The following MYO16 variants were observed in gnomAD, a reference collection of about 807,000 sequenced individuals.
MYO16 encodes the protein unconventional myosin-XVI.
A neutral mutation model predicts 205.3 loss-of-function variants in MYO16; 94 were observed. The ratio of observed to expected loss-of-function variants is 0.46; its 90% CI spans 0.39 to 0.54. The LOEUF is 0.54. Among genes scored for constraint, MYO16 ranks in the 20% least tolerant of loss-of-function variants. The probability of loss-of-function intolerance (pLI) is 0.00; values close to 1 mark genes in which losing one functional copy is unlikely to be tolerated. For synonymous variants in MYO16, 988 were observed against 954.0 expected (o/e 1.04, Z -0.66); for missense variants, 2,315 against 2,387.5 (o/e 0.97, Z 0.63).
intron 6 of MYO16, among the ~76,000 whole-genome samples, chr13:108,796,547 G>C (rs1482690333): frequency 1.3e-5 from 2 of 152,174 alleles, no homozygotes; most frequent in African/African-American, 4.8e-5. Flanking sequence ...ACTGGATTAA[G>C]AAAATGTGGC....
chr13:109,178,260 G>C (rs190906812), intron 33 of MYO16, among the ~76,000 whole-genome samples: 24 of 152,164 alleles, frequency 1.6e-4, no homozygotes, highest in Admixed American at 5.9e-4. Flanking sequence ...GCTGCTGCCT[G>C]TGGCCGAGAT....
the MYO16 span, among the ~76,000 whole-genome samples, chr13:108,576,910 G>A: frequency 9.2e-5 from 14 of 152,150 alleles, no homozygotes; most frequent in Admixed American, 2.0e-4. Flanking sequence ...ACAGGCATAC[G>A]CCACCACATC....
rs1188111119 is a variant in MYO16, at chr13:109,127,776, C to T, written c.4051+226C>T. ...TACATGGCATTTCCTTAACTCCCATCCCCACCCTGCCTCCAAAGAGCAGTA... is the reference window on the plus strand; with the variant it reads ...TACATGGCATTTCCTTAACTCCCATTCCCACCCTGCCTCCAAAGAGCAGTA... On this transcript the variant is annotated intron_variant, in intron 31 of 34. Coordinates refer to ENST00000457511, the MANE Select transcript of MYO16 (RefSeq NM_001198950.3). This position sits in a 1 kb window ranked among gnomAD's most constrained non-coding sequence, Gnocchi z 4.2. Among the ~76,000 whole-genome samples the T allele has an allele frequency of 6.6e-6, 1 of 151,910 alleles. No individual in the cohort carries two copies. Among genetic ancestry groups the T allele is most frequent in the African/African-American group, 2.4e-5 (1 of 41,342 alleles).
intron 16 of MYO16, among the ~76,000 whole-genome samples, chr13:108,933,398 A>G (rs1350301896): frequency 6.6e-6 from 1 of 152,124 alleles, no homozygotes; most frequent in African/African-American, 2.4e-5. Flanking sequence ...AGAAATGAAG[A>G]AGCTCTTTGT....
At chr13:108,523,385 C>A in the MYO16 span, among the ~76,000 whole-genome samples, 4 of 152,218 alleles carry the variant, frequency 2.6e-5, no homozygotes, top group African/African-American at 9.6e-5. Flanking sequence ...TCGGGCCTTA[C>A]TTTCAGATGC....
intron 23 of MYO16, among the ~76,000 whole-genome samples, chr13:109,041,725 T>C (rs2139580902): frequency 6.6e-6 from 1 of 152,322 alleles, no homozygotes; most frequent in Non-Finnish European, 1.5e-5. Flanking sequence ...TCTGTATCAT[T>C]TCTTACAACT....
At chr13:108,734,197 T>C (rs1486046013) in intron 4 of MYO16, among the ~76,000 whole-genome samples, 1 of 133,264 alleles carries the variant, frequency 7.5e-6, no homozygotes, top group Non-Finnish European at 1.5e-5. Context: ...TAATATTGCT[T>C]TTTTTTTTTA....
chr13:108,577,323 G>T, the MYO16 span, among the ~76,000 whole-genome samples: 4 of 152,158 alleles, frequency 2.6e-5, no homozygotes, highest in Non-Finnish European at 4.4e-5. Flanking sequence ...GCCAAATCTG[G>T]CTATTAGAGA....
At chr13:108,708,350 C>T (rs1883593905) in intron 2 of MYO16, among the ~76,000 whole-genome samples, 1 of 152,162 alleles carries the variant, frequency 6.6e-6, no homozygotes, top group Non-Finnish European at 1.5e-5. Flanking sequence ...CTCAGGCATA[C>T]TTTTTTAGAA....
chr13:108,534,690 C>T, the MYO16 span, among the ~76,000 whole-genome samples: 36 of 151,944 alleles, frequency 2.4e-4, no homozygotes, highest in Admixed American at 2.1e-3. Context: ...CTGTAGCCAA[C>T]TAATCTCTAT....
intron 16 of MYO16, among the ~76,000 whole-genome samples, chr13:108,919,293 A>T (rs1881638685): frequency 6.6e-6 from 1 of 152,164 alleles, no homozygotes; most frequent in Non-Finnish European, 1.5e-5. Flanking sequence ...ACAGCATCTT[A>T]CCTTGGTGCC....
chr13:109,028,774 A>G lies in MYO16; in HGVS notation c.2796+8863A>G, dbSNP rs562735840. The stretch of plus-strand genomic sequence containing the variant: ...GATAAAATTGTAATCTCAGACACGT[A>G]GGCCCTGATCATTACTGTTCATGTC... On this transcript the variant is annotated intron_variant, in intron 23 of 34. Transcript: ENST00000457511. Among the ~76,000 whole-genome samples, 25 of 151,684 alleles carry G rather than the reference A, an allele frequency of 1.6e-4. No homozygotes were observed. In the South Asian group the frequency reaches 5.2e-3, roughly 32 times the overall value.
intron 12 of MYO16, among the ~76,000 whole-genome samples, chr13:108,879,032 T>C (rs1879468092): frequency 6.6e-6 from 1 of 152,220 alleles, no homozygotes; most frequent in South Asian, 2.1e-4. Flanking sequence ...GTGTAATGTT[T>C]GTAGGAAAGT....
At chr13:108,545,732 T>A in the MYO16 span, among the ~76,000 whole-genome samples, 26 of 152,270 alleles carry the variant, frequency 1.7e-4, no homozygotes, top group South Asian at 8.3e-4. Context: ...GTAGCCTTGA[T>A]GTTAAATCAA....
chr13:108,959,159 C>T (rs1390932004), intron 17 of MYO16, among the ~76,000 whole-genome samples: 5 of 152,082 alleles, frequency 3.3e-5, no homozygotes, highest in Admixed American at 2.0e-4. Context: ...GACTGGAACT[C>T]GAGGAGCCTG....
intron 7 of MYO16, among the ~76,000 whole-genome samples, chr13:108,814,502 T>C (rs1887390776): frequency 6.6e-6 from 1 of 152,140 alleles, no homozygotes; most frequent in Non-Finnish European, 1.5e-5. Flanking sequence ...GAATCTTTAA[T>C]ATAAAGCAAT....
intron 16 of MYO16, among the ~76,000 whole-genome samples, chr13:108,922,469 T>A (rs999057576): frequency 5.3e-5 from 8 of 152,280 alleles, no homozygotes; most frequent in Non-Finnish European, 1.0e-4. Context: ...ACAAAAAAAA[T>A]TCCATTCTCA....
the MYO16 span, among the ~76,000 whole-genome samples, chr13:108,553,550 A>G: frequency 6.6e-6 from 1 of 152,116 alleles, no homozygotes; most frequent in East Asian, 1.9e-4. Flanking sequence ...TTACCATTTC[A>G]TTCTCTCACA....
chr13:108,645,771 C>T (rs1374592173), intron 1 of MYO16, among the ~76,000 whole-genome samples: 3 of 152,174 alleles, frequency 2.0e-5, no homozygotes, highest in Admixed American at 1.3e-4. Context: ...GCATTACCAC[C>T]CAACACTGCC....
Sources: gnomAD v4.1 joint callset for allele counts (sites outside exome capture counted in the v4.1 genomes callset) on GRCh38, gnomAD v4.1.1 for gene constraint, Gnocchi (gnomAD v3.1) non-coding constraint, MANE v1.5 for transcripts, NCBI Gene and HGNC (gene_info 2026-07-23, HGNC 2026-07-21) for gene names.